NPSR1: variants seen among roughly 807,000 people sequenced by gnomAD.
NPSR1 encodes neuropeptide S receptor.
NPSR1 carries 48 observed loss-of-function variants against 46.9 expected under a neutral mutation model. That is an observed-to-expected ratio of 1.02 (90% CI 0.81 to 1.30). The LOEUF is 1.30. Ranked by LOEUF, NPSR1 falls within the 50% of genes most tolerant of loss-of-function variation. The pLI is 0.00. For missense variants in NPSR1, 450 were observed against 449.5 expected, an observed-to-expected ratio of 1.00 and a Z score of -0.01; for synonymous variants, 176 against 168.1, an observed-to-expected ratio of 1.05 and a Z score of -0.36.
intron 8 of NPSR1, among the ~76,000 whole-genome samples, chr7:34,869,501 T>C (rs1791399946): frequency 6.6e-6 from 1 of 151,644 alleles, no homozygotes; most frequent in Non-Finnish European, 1.5e-5. Flanking sequence ...CTCACTGTAC[T>C]CCTCCACTTC....
intron 8 of NPSR1, among the ~76,000 whole-genome samples, chr7:34,870,906 GGATGGATGGATA>G (rs1199326925): frequency 1.2e-4 from 18 of 150,948 alleles, no homozygotes; most frequent in Middle Eastern, 3.4e-3. Flanking sequence ...ATGGATGAAT[GGATGGATGGATA>G]GATGGATGGA....
At chr7:34,777,783 C>G (rs1220519371) in intron 2 of NPSR1, among the ~76,000 whole-genome samples, 2 of 152,120 alleles carry the variant, frequency 1.3e-5, no homozygotes, top group Non-Finnish European at 2.9e-5. Flanking sequence ...CTTGCCATTT[C>G]TGCTATAAAC....
At chr7:34,663,081 G>GTT (rs1554301939) in intron 1 of NPSR1, among the ~76,000 whole-genome samples, 1 of 76,298 alleles carries the variant, frequency 1.3e-5, no homozygotes, top group African/African-American at 7.0e-5. Flanking sequence ...GTGTGTGTGT[G>GTT]TATGTGTGTG....
intron 8 of NPSR1, among the ~76,000 whole-genome samples, chr7:34,874,478 TG>T (rs1003762977): frequency 6.6e-6 from 1 of 151,764 alleles, no homozygotes; most frequent in African/African-American, 2.4e-5. Context: ...AATTTGGGGG[TG>T]GGGGTGTCAT....
At chr7:34,860,622 A>G (rs537144607) in intron 8 of NPSR1, among the ~76,000 whole-genome samples, 6 of 151,902 alleles carry the variant, frequency 3.9e-5, no homozygotes, top group Non-Finnish European at 8.8e-5. Flanking sequence ...GGAAATATAT[A>G]AGGAAAATCA....
intron 2 of NPSR1, among the ~76,000 whole-genome samples, chr7:34,776,327 G>T (rs1299919586): frequency 6.6e-6 from 1 of 152,078 alleles, no homozygotes; most frequent in Non-Finnish European, 1.5e-5. Flanking sequence ...ATTGTATGGG[G>T]TCTATATCTC....
chr7:34,867,342 G>A (rs1791336352), intron 8 of NPSR1, among the ~76,000 whole-genome samples: 1 of 151,846 alleles, frequency 6.6e-6, no homozygotes, highest in African/African-American at 2.4e-5. Flanking sequence ...ATGTGAGATA[G>A]GATATCCCAG....
intron 2 of NPSR1, among the ~76,000 whole-genome samples, chr7:34,691,672 G>A (rs1391763810): frequency 6.6e-6 from 1 of 152,136 alleles, no homozygotes; most frequent in Non-Finnish European, 1.5e-5. Context: ...TTGAACTATT[G>A]TAAAGTATAC....
intron 5 of NPSR1, among the ~76,000 whole-genome samples, chr7:34,828,591 G>A (rs1789968337): frequency 6.6e-6 from 1 of 152,160 alleles, no homozygotes; most frequent in Non-Finnish European, 1.5e-5. Context: ...CACCTTTTGG[G>A]TAGGTCTAAG....
chr7:34,770,719 G>A (rs952394424), intron 2 of NPSR1, among the ~76,000 whole-genome samples: 1 of 152,186 alleles, frequency 6.6e-6, no homozygotes, highest in Non-Finnish European at 1.5e-5. Context: ...ACAAGAGGTA[G>A]TTGTATTAGT....
intron 6 of NPSR1, among the ~76,000 whole-genome samples, chr7:34,838,287 T>C (rs1274775421): frequency 6.6e-6 from 1 of 152,100 alleles, no homozygotes; most frequent in African/African-American, 2.4e-5. Flanking sequence ...TGATATAGAG[T>C]ATGCCATTAC....
chr7:34,828,575 A>C (rs951208791), intron 5 of NPSR1, among the ~76,000 whole-genome samples: 2 of 152,176 alleles, frequency 1.3e-5, no homozygotes, highest in African/African-American at 4.8e-5. Flanking sequence ...AGCCATGATG[A>C]TGCTGCACCT....
intron 4 of NPSR1, among the ~76,000 whole-genome samples, chr7:34,819,787 T>C (rs1482376020): frequency 6.6e-6 from 1 of 152,158 alleles, no homozygotes; most frequent in Non-Finnish European, 1.5e-5. Context: ...TGGATGAAGC[T>C]AGAAACCATC....
intron 3 of NPSR1, among the ~76,000 whole-genome samples, chr7:34,781,629 G>C (rs1339503909): frequency 6.6e-6 from 1 of 152,158 alleles, no homozygotes; most frequent in Non-Finnish European, 1.5e-5. Flanking sequence ...GAACCCCAGA[G>C]GGGGAGATGT....
At chr7:34,809,496 C>T (rs1788878543) in intron 3 of NPSR1, among the ~76,000 whole-genome samples, 1 of 139,054 alleles carries the variant, frequency 7.2e-6, no homozygotes, top group African/African-American at 2.7e-5. Context: ...CGGAGTCTCG[C>T]TCTGTCGCCC....
At chr7:34,830,933 C>G (rs1790087932) in intron 5 of NPSR1, among the ~76,000 whole-genome samples, 1 of 152,292 alleles carries the variant, frequency 6.6e-6, no homozygotes, top group South Asian at 2.1e-4. Flanking sequence ...CATGCCTGAA[C>G]ACTCTGCCAA....
At chr7:34,768,351 T>C (rs971238006) in intron 2 of NPSR1, 1 of 152,160 alleles carries the variant, frequency 6.6e-6, no homozygotes, top group Non-Finnish European at 1.5e-5. Flanking sequence ...CCAGCAGACC[T>C]GTACTTTAAG....
chr7:34,664,434 C>T (rs911227301), intron 1 of NPSR1, among the ~76,000 whole-genome samples: 3 of 152,162 alleles, frequency 2.0e-5, no homozygotes, highest in East Asian at 1.9e-4. Context: ...CCCAGGAATT[C>T]GTCATTCCAC....
intron 5 of NPSR1, among the ~76,000 whole-genome samples, chr7:34,830,905 G>A (rs1300586672): frequency 2.0e-5 from 3 of 151,906 alleles, no homozygotes; most frequent in Non-Finnish European, 4.4e-5. Context: ...CACCCCTCTG[G>A]CCCATGTGCA....
Sources: gnomAD v4.1 joint callset for allele counts (sites outside exome capture counted in the v4.1 genomes callset) on GRCh38, gnomAD v4.1.1 for gene constraint, MANE v1.5 for transcripts, NCBI Gene and HGNC (gene_info 2026-07-23, HGNC 2026-07-21) for gene names.